PAFAH1B1: variants seen among roughly 807,000 people sequenced by gnomAD.
PAFAH1B1 encodes platelet activating factor acetylhydrolase 1b regulatory subunit 1, also known as platelet-activating factor acetylhydrolase IB subunit beta.
A neutral mutation model predicts 57.5 loss-of-function variants in PAFAH1B1; 2 were observed. The ratio of observed to expected loss-of-function variants is 0.03; its 90% CI spans 0.01 to 0.11. PAFAH1B1 has a LOEUF of 0.11. PAFAH1B1 is among the 10% of genes least tolerant of loss of function. The probability of loss-of-function intolerance (pLI) is 1.00; values close to 1 mark genes in which losing one functional copy is unlikely to be tolerated. For missense variants in PAFAH1B1, 257 were observed against 512.0 expected (o/e 0.50, Z 4.81); for synonymous variants, 152 against 169.6 (o/e 0.90, Z 0.81).
At chr17:2,639,024 C>G (rs1056277107) in intron 2 of PAFAH1B1, among the ~76,000 whole-genome samples, 3 of 152,048 alleles carry the variant, frequency 2.0e-5, no homozygotes, top group African/African-American at 7.2e-5. Context: ...CTCAACCTCC[C>G]GAGTAGCTGA....
intron 1 of PAFAH1B1, among the ~76,000 whole-genome samples, chr17:2,600,518 C>T (rs1479533121): frequency 4.4e-5 from 6 of 135,820 alleles, no homozygotes; most frequent in South Asian, 2.4e-4. Flanking sequence ...TGCAGTGAGC[C>T]GAGATCGTGC....
At chr17:2,617,626 C>T (rs2068362126) in intron 1 of PAFAH1B1, among the ~76,000 whole-genome samples, 1 of 152,102 alleles carries the variant, frequency 6.6e-6, no homozygotes, top group Non-Finnish European at 1.5e-5. Context: ...GTTAAAGTCT[C>T]AGTGTTTGAG....
intron 1 of PAFAH1B1, among the ~76,000 whole-genome samples, chr17:2,606,439 C>T (rs1479090560): frequency 6.6e-6 from 1 of 151,924 alleles, no homozygotes; most frequent in Non-Finnish European, 1.5e-5. Flanking sequence ...TATCTTAGCT[C>T]ACTGCAACCT....
chr17:2,667,324 ACT>A (rs921495664), intron 5 of PAFAH1B1, 126 bp downstream of exon 5: 18 of 692,238 alleles, frequency 2.6e-5, no homozygotes, highest in Non-Finnish European at 4.1e-5. Context: ...ACAGAGCCAC[ACT>A]CTGTCTCAAA....
At position 2,593,912 on chromosome 17, in the gene PAFAH1B1, C is replaced by T. The variant is rs1341782321; in HGVS notation, c.-285C>T. The T allele has an allele frequency of 1.3e-5, 5 of 384,524 alleles. No homozygotes were observed. The highest frequency in any genetic ancestry group is 2.1e-5 in the African/African-American group (1 of 47,172). The allele number at this position is 384,524 out of a possible 1,614,324, so 23.8% of individuals were successfully genotyped here. On this transcript the variant is annotated 5_prime_UTR_variant, in exon 1 of 11. Coordinates refer to ENST00000397195, the MANE Select transcript of PAFAH1B1 (RefSeq NM_000430.4). ...TCCTCCCCCCTCCTTCCCTCCCTCC[C>T]TCCTTCCTCCCTCCCCTCTCCCTCC...
At chr17:2,656,265 A>C (rs2068935126) in intron 2 of PAFAH1B1, among the ~76,000 whole-genome samples, 1 of 152,098 alleles carries the variant, frequency 6.6e-6, no homozygotes, top group South Asian at 2.1e-4. Context: ...CAGTCTAGAC[A>C]ACATATTGAG....
chr17:2,676,443 C>T, intron 8 of PAFAH1B1, 62 bp from the exon 9 acceptor site: 1 of 975,386 alleles, frequency 1.0e-6, no homozygotes, highest in Non-Finnish European at 1.7e-6. Context: ...AGATAGAAGC[C>T]ATTTAAAGTC....
chr17:2,602,924 A>C (rs2068161603), intron 1 of PAFAH1B1, among the ~76,000 whole-genome samples: 1 of 152,228 alleles, frequency 6.6e-6, no homozygotes, highest in Admixed American at 6.5e-5. Context: ...GCTTTCAGCC[A>C]CCGTACTGTG....
At chr17:2,615,182 G>T (rs2068322666) in intron 1 of PAFAH1B1, among the ~76,000 whole-genome samples, 1 of 152,096 alleles carries the variant, frequency 6.6e-6, no homozygotes, top group Admixed American at 6.5e-5. Context: ...ATCTAGAGAT[G>T]ATTTAAAGTA....
intron 1 of PAFAH1B1, among the ~76,000 whole-genome samples, chr17:2,604,484 G>A (rs1303390554): frequency 1.3e-5 from 2 of 152,172 alleles, no homozygotes; most frequent in East Asian, 1.9e-4. Context: ...ACTAAAGACA[G>A]CCAAGAGATG....
In PAFAH1B1 at chr17:2,680,250, C is replaced by A; in HGVS notation, c.1089C>A (p.Arg363=). 1 of 1,613,898 alleles carries A rather than the reference C, an allele frequency of 6.2e-7. No individual in the cohort carries two copies. Among genetic ancestry groups the A allele is most frequent in the Non-Finnish European group, 8.5e-7 (1 of 1,179,808 alleles). ...GTTGTGCTGATGACAAGACCCTACGCGTATGGGATTACAAGAACAAGCGAT... is the reference window on the plus strand; with the variant it reads ...GTTGTGCTGATGACAAGACCCTACGAGTATGGGATTACAAGAACAAGCGAT... ...ILSCADDKTL[R]VWDYKNKRCM... The change falls in exon 10 of 11, where the codon CGC becomes CGA. Residue 363 remains arginine, a synonymous_variant. Coordinates refer to ENST00000397195, the MANE Select transcript of PAFAH1B1 (RefSeq NM_000430.4).
In PAFAH1B1 at chr17:2,605,784, C is replaced by T. The variant is rs571828155; in HGVS notation, c.-191+11778C>T. ...AGCGTATATAAAATGTATTATCTGA[C>T]GTGTCAAGTGAGTTAATGCATTTAA... is the stretch of plus-strand genomic sequence containing the variant. On this transcript the variant is annotated intron_variant, in intron 1 of 10. Coordinates refer to ENST00000397195, the MANE Select transcript of PAFAH1B1 (RefSeq NM_000430.4). Among the ~76,000 whole-genome samples the T allele has an allele frequency of 3.3e-5, 5 of 152,110 alleles. No homozygotes were observed. The East Asian group carries it at 5.8e-4, about 18-fold the overall frequency.
chr17:2,671,575 T>TA lies in PAFAH1B1; in HGVS notation c.569-1080_569-1079insA, dbSNP rs1400009038. Among the ~76,000 whole-genome samples the TA allele has an allele frequency of 2.9e-3, 445 of 151,440 alleles. 1 individual carries two copies. Among genetic ancestry groups the TA allele is most frequent in the African/African-American group, 9.7e-3 (401 of 41,172 alleles). ...AAAGAGTTCTTTCTAATGCATTTTTTTTTTTTACCCCCAACACCACCTTTT... is the reference window on the plus strand; with the variant it reads ...AAAGAGTTCTTTCTAATGCATTTTTTATTTTTTACCCCCAACACCACCTTTT... On this transcript the variant is annotated intron_variant, in intron 6 of 10. Coordinates refer to ENST00000397195, the MANE Select transcript of PAFAH1B1 (RefSeq NM_000430.4).
chr17:2,620,126 A>G (rs1334523869), intron 1 of PAFAH1B1, among the ~76,000 whole-genome samples: 1 of 152,144 alleles, frequency 6.6e-6, no homozygotes, highest in Non-Finnish European at 1.5e-5. Flanking sequence ...CCTGATTTTT[A>G]GTATATTCAG....
chr17:2,633,695 G>A (rs2068584729), intron 1 of PAFAH1B1, among the ~76,000 whole-genome samples: 1 of 151,994 alleles, frequency 6.6e-6, no homozygotes, highest in Admixed American at 6.6e-5. Context: ...GGTTATCAAC[G>A]AACTCCTTGC....
chr17:2,610,863 T>G (rs1174120322), intron 1 of PAFAH1B1, among the ~76,000 whole-genome samples: 1 of 152,094 alleles, frequency 6.6e-6, no homozygotes, highest in East Asian at 1.9e-4. Context: ...ATCACATGAG[T>G]CAGTCTGAAA....
intron 6 of PAFAH1B1, among the ~76,000 whole-genome samples, 164 bp from the exon 7 acceptor site, chr17:2,672,491 T>TG (rs1567558605): frequency 2.0e-5 from 3 of 152,078 alleles, no homozygotes; most frequent in Admixed American, 1.3e-4. Flanking sequence ...TTTTTTAACT[T>TG]TATCGTGTAA....
chr17:2,604,968 AGATT>A (rs1465776322), intron 1 of PAFAH1B1, among the ~76,000 whole-genome samples: 1 of 152,218 alleles, frequency 6.6e-6, no homozygotes, highest in Non-Finnish European at 1.5e-5. Flanking sequence ...CGTCTGAGCC[AGATT>A]GATAGAATTT....
intron 5 of PAFAH1B1, among the ~76,000 whole-genome samples, chr17:2,667,713 A>G (rs2069125848): frequency 6.6e-6 from 1 of 151,954 alleles, no homozygotes; most frequent in South Asian, 2.1e-4. Context: ...GATTCATTTA[A>G]ATTGGGCTTT....
Sources: allele counts gnomAD v4.1 joint callset (sites outside exome capture counted in the v4.1 genomes callset), GRCh38; gene constraint gnomAD v4.1.1; transcripts MANE v1.5; gene names NCBI Gene and HGNC (gene_info 2026-07-23, HGNC 2026-07-21).